The following ULK4 variants were observed in gnomAD, a reference collection of about 807,000 sequenced individuals.
ULK4 encodes the protein inactive serine/threonine-protein kinase ULK4.
In ULK4, 133 loss-of-function variants were observed where a neutral mutation model predicts 160.6. The observed-to-expected ratio is 0.83, with a 90% confidence interval of 0.72 to 0.96. The LOEUF (loss-of-function observed/expected upper bound fraction) is 0.96. Ranked by LOEUF, ULK4 falls within the 40% of genes least tolerant of loss-of-function variation. The probability of loss-of-function intolerance (pLI) is 0.00; values close to 1 mark genes in which losing one functional copy is unlikely to be tolerated. For synonymous variants in ULK4, 534 were observed against 539.8 expected (o/e 0.99, Z 0.15); for missense variants, 1,580 against 1,499.5 (o/e 1.05, Z -0.89).
intron 35 of ULK4, among the ~76,000 whole-genome samples, chr3:41,270,362 G>A (rs2079119434): frequency 6.6e-6 from 1 of 152,144 alleles, no homozygotes; most frequent in Non-Finnish European, 1.5e-5. Flanking sequence ...CTCCATGTAT[G>A]TCCACAACTG....
At position 41,310,173 on chromosome 3, in the gene ULK4, T is replaced by C. The variant is rs574392127; in HGVS notation, c.3679-60599A>G. Reference sequence around the variant, plus strand: ...AGGAAAATGATCATATCCTTAGATATACTGGCATCATCAAATGGACCAAAT... The same window carrying C: ...AGGAAAATGATCATATCCTTAGATACACTGGCATCATCAAATGGACCAAAT... On this transcript the variant is annotated intron_variant, in intron 35 of 36. Transcript: ENST00000301831. 2.0e-5 allele frequency among the ~76,000 whole-genome samples: 3 copies of C among 152,348 alleles called. No homozygotes were observed. The South Asian group carries it at 6.2e-4, about 32-fold the overall frequency.
intron 17 of ULK4, among the ~76,000 whole-genome samples, chr3:41,846,199 T>C (rs1479135149): frequency 6.6e-6 from 1 of 152,112 alleles, no homozygotes; most frequent in Admixed American, 6.5e-5. Context: ...AGATAATGGT[T>C]CTCCTCAAGG....
Position 41,398,580 on chromosome 3 carries a change from C to T in ULK4, c.3493-316G>A, listed in dbSNP as rs962099487. On this transcript the variant is annotated intron_variant, in intron 34 of 36. Transcript: ENST00000301831. Reference sequence around the variant, plus strand: ...TTTTTTTTTTTTTTTTTGGTAGAGACGTGGTCCCCCTATGTTGCCCAGGCT... The same window carrying T: ...TTTTTTTTTTTTTTTTTGGTAGAGATGTGGTCCCCCTATGTTGCCCAGGCT... 7.6e-5 allele frequency among the ~76,000 whole-genome samples: 11 copies of T among 144,432 alleles called. No individual in the cohort carries two copies. The East Asian group carries it at 1.4e-3, about 18-fold the overall frequency. The allele number at this position is 144,432 out of a possible 152,430, so 94.8% of individuals were successfully genotyped here.
intron 31 of ULK4, among the ~76,000 whole-genome samples, chr3:41,607,434 T>C (rs529766735): frequency 1.6e-4 from 24 of 151,906 alleles, no homozygotes; most frequent in Non-Finnish European, 3.2e-4. Flanking sequence ...AGTAAACAAG[T>C]CAAAATACAA....
chr3:41,802,033 A>C (rs895330385), intron 19 of ULK4, among the ~76,000 whole-genome samples: 13 of 152,202 alleles, frequency 8.5e-5, no homozygotes, highest in African/African-American at 2.9e-4. Context: ...AGTAACTGTC[A>C]ACCTACAAAT....
At chr3:41,945,592 C>T (rs940332140) in intron 2 of ULK4, among the ~76,000 whole-genome samples, 2 of 152,124 alleles carry the variant, frequency 1.3e-5, no homozygotes, top group African/African-American at 4.8e-5. Context: ...CTCACGTTGG[C>T]CTAATGTCTA....
At chr3:41,339,896 A>G (rs1478257901) in intron 35 of ULK4, among the ~76,000 whole-genome samples, 2 of 152,192 alleles carry the variant, frequency 1.3e-5, no homozygotes, top group Non-Finnish European at 2.9e-5. Flanking sequence ...CTCAACAGTG[A>G]TTGATATTAT....
In ULK4 at chr3:41,602,106, G is replaced by C. The variant is rs146242712; in HGVS notation, c.3120+13563C>G. 2.0e-5 allele frequency among the ~76,000 whole-genome samples: 3 copies of C among 152,132 alleles called. No homozygotes were observed. The East Asian group carries it at 5.8e-4, about 29-fold the overall frequency. Reference sequence around the variant, plus strand: ...AGCCACTAAAGAGGCTGAGGTAATAGGATCACTTGAGCTCAGGAATTTGGG... The same window carrying C: ...AGCCACTAAAGAGGCTGAGGTAATACGATCACTTGAGCTCAGGAATTTGGG... On this transcript the variant is annotated intron_variant, in intron 31 of 36. Coordinates refer to ENST00000301831, the MANE Select transcript of ULK4 (RefSeq NM_017886.4).
At chr3:41,753,919 C>T (rs2038709373) in intron 22 of ULK4, among the ~76,000 whole-genome samples, 1 of 152,172 alleles carries the variant, frequency 6.6e-6, no homozygotes, top group African/African-American at 2.4e-5. Flanking sequence ...AAACAGACTC[C>T]TTCTTCACAG....
chr3:41,899,505 C>A (rs1392919538), intron 13 of ULK4, among the ~76,000 whole-genome samples: 3 of 152,210 alleles, frequency 2.0e-5, no homozygotes, highest in Non-Finnish European at 4.4e-5. Context: ...TAAAGCAAGC[C>A]TGTCCAACCC....
chr3:41,764,224 T>G (rs1459923582), intron 21 of ULK4, among the ~76,000 whole-genome samples: 1 of 152,222 alleles, frequency 6.6e-6, no homozygotes, highest in Admixed American at 6.5e-5. Context: ...TTTAAATACA[T>G]TTTCTTAAAC....
At chr3:41,488,856 C>G (rs7613493) in intron 32 of ULK4, among the ~76,000 whole-genome samples, 5 of 152,060 alleles carry the variant, frequency 3.3e-5, no homozygotes, top group South Asian at 2.1e-4. Flanking sequence ...TGGGATGACT[C>G]TGGCACAGGG....
chr3:41,800,928 T>C (rs1364443465), intron 19 of ULK4, among the ~76,000 whole-genome samples: 4 of 152,184 alleles, frequency 2.6e-5, no homozygotes, highest in Non-Finnish European at 5.9e-5. Flanking sequence ...CTTACAGAAA[T>C]TTTAAAAAGT....
intron 35 of ULK4, among the ~76,000 whole-genome samples, chr3:41,274,439 G>A (rs1375013041): frequency 6.6e-6 from 1 of 152,180 alleles, no homozygotes; most frequent in East Asian, 1.9e-4. Flanking sequence ...AGATGTTTGT[G>A]CTCTGCGCTG....
intron 35 of ULK4, 120 bp from the exon 36 acceptor site, chr3:41,249,694 G>C: frequency 1.0e-6 from 1 of 993,734 alleles, no homozygotes; most frequent in Non-Finnish European, 1.5e-6. Context: ...GGCACTGGGG[G>C]GTGTCCCCTG....
intron 19 of ULK4, among the ~76,000 whole-genome samples, chr3:41,814,175 A>G (rs902339353): frequency 1.3e-5 from 2 of 152,176 alleles, no homozygotes; most frequent in Admixed American, 6.5e-5. Flanking sequence ...AACTGATGAA[A>G]TATCTGTATG....
chr3:41,366,548 T>TACACACACACACACACACACAC (rs148305509), intron 35 of ULK4, among the ~76,000 whole-genome samples: 51 of 148,690 alleles, frequency 3.4e-4, no homozygotes, highest in African/African-American at 1.2e-3. Flanking sequence ...AAAATATGGC[T>TACACACACACACACACACACAC]ACACACACAC....
chr3:41,651,309 C>A (rs539459106), intron 30 of ULK4, among the ~76,000 whole-genome samples: 17 of 152,292 alleles, frequency 1.1e-4, no homozygotes, highest in African/African-American at 3.4e-4. Flanking sequence ...TTCACCTTCC[C>A]AAAGAGAGGC....
At chr3:41,748,365 T>C (rs2038495056) in intron 22 of ULK4, among the ~76,000 whole-genome samples, 1 of 151,706 alleles carries the variant, frequency 6.6e-6, no homozygotes, top group African/African-American at 2.4e-5. Context: ...ATATTAACAC[T>C]GACAAGAAGA....
Sources: allele counts gnomAD v4.1 joint callset (sites outside exome capture counted in the v4.1 genomes callset), GRCh38; gene constraint gnomAD v4.1.1; transcripts MANE v1.5; gene names NCBI Gene and HGNC (gene_info 2026-07-23, HGNC 2026-07-21).